Variants in NOL7 observed in about 807,000 individuals in gnomAD.
NOL7 encodes the protein U3 small nucleolar RNA-associated protein NOL7.
In NOL7, 36 loss-of-function variants were observed where a neutral mutation model predicts 38.4. The observed-to-expected ratio is 0.94, with a 90% CI of 0.72 to 1.24. The LOEUF (loss-of-function observed/expected upper bound fraction) is 1.24. Among genes scored for constraint, NOL7 ranks in the 50% most tolerant of loss-of-function variants. The pLI is 0.00. For missense variants in NOL7, 350 were observed against 315.1 expected, an observed-to-expected ratio of 1.11 and a Z score of -0.84; for synonymous variants, 142 against 126.5, an observed-to-expected ratio of 1.12 and a Z score of -0.82.
rs1161468132 is a variant in NOL7, at chr6:13,620,433, CAA to C, written c.649_650del (p.Lys217GlufsTer14). 1.2e-6 allele frequency: 2 copies of C among 1,613,948 alleles called. No individual in the cohort carries two copies. Among genetic ancestry groups the C allele is most frequent in the African/African-American group, 2.7e-5 (2 of 74,920 alleles). ...TVNKFLSLANKRLPVKRAAVQ... is the reference protein window; with the variant it reads ...TVNKFLSLANXRLPVKRAAVQ... ...TAAATAAGTTCCTGTCTCTTGCCAA[CAA>C]GAGGTTACCAGTGAAAAGAGCTGCT... On this transcript the variant is annotated frameshift_variant, in exon 7 of 8. Transcript: ENST00000451315. LOFTEE classifies it high-confidence loss of function.
downstream of NOL7, among the ~76,000 whole-genome samples, chr6:13,624,277 T>C (rs1764537461): frequency 6.6e-6 from 1 of 152,260 alleles, no homozygotes; most frequent in Admixed American, 6.5e-5. Context: ...ATGCTTTTCA[T>C]TGCTTCCTTT....
chr6:13,620,480 C>T lies in NOL7; in HGVS notation c.695C>T (p.Ala232Val). 1 of 1,613,454 alleles carries T rather than the reference C, an allele frequency of 6.2e-7. No homozygotes were observed. The highest frequency in any genetic ancestry group is 2.2e-5 in the East Asian group (1 of 44,842). ...KRAAVQFLNN[A>V]WGIQKKQNAK... ...GCTGCTGTCCAGTTTTTGAATAATGCTTGGGGTAAGATCCAGCTTTATTCT... is the reference window on the plus strand; with the variant it reads ...GCTGCTGTCCAGTTTTTGAATAATGTTTGGGGTAAGATCCAGCTTTATTCT... Residue 232 changes from alanine to valine, a missense_variant, in exon 7 of 8, where the codon GCT becomes GTT. Physicochemically the swap from Ala to Val is moderately conservative, Grantham distance 64. Coordinates refer to ENST00000451315, the MANE Select transcript of NOL7 (RefSeq NM_016167.5).
chr6:13,621,765 TAAAAC>T (rs996556051), downstream of NOL7: 6 of 152,632 alleles, frequency 3.9e-5, no homozygotes, highest in African/African-American at 1.2e-4. Context: ...AAGACCATGT[TAAAAC>T]AAAACTACTG....
At chr6:13,620,574 C>T (rs1427672440) in intron 7 of NOL7, 89 bp downstream of exon 7, 39 of 1,325,726 alleles carry the variant, frequency 2.9e-5, no homozygotes, top group Non-Finnish European at 4.1e-5. Context: ...TTATACTTTT[C>T]CCCCTTATAA....
chr6:13,627,630 CAAAAAAAAA>C (rs35401168), intron 8 of NOL7, among the ~76,000 whole-genome samples: 3 of 66,410 alleles, frequency 4.5e-5, no homozygotes, highest in Non-Finnish European at 5.8e-5. Flanking sequence ...ACTCCATCTC[CAAAAAAAAA>C]AAAAAAAAAA....
At chr6:13,623,944 T>G (rs1417270724), downstream of NOL7, among the ~76,000 whole-genome samples, 2 of 152,198 alleles carry the variant, frequency 1.3e-5, no homozygotes, top group African/African-American at 4.8e-5. Flanking sequence ...CTGGTCACTT[T>G]AAAGATTAGT....
At chr6:13,618,632 G>A (rs907365764) in intron 5 of NOL7, among the ~76,000 whole-genome samples, 17 of 152,166 alleles carry the variant, frequency 1.1e-4, no homozygotes, top group African/African-American at 4.1e-4. Flanking sequence ...GCTTACACTT[G>A]TAATCCCAGC....
downstream of NOL7, chr6:13,625,726 G>C (rs1764583642): frequency 1.2e-6 from 2 of 1,612,704 alleles, no homozygotes; most frequent in Admixed American, 1.7e-5. Flanking sequence ...CAACTGGGCT[G>C]TTCCAGGGAT....
intron 5 of NOL7, among the ~76,000 whole-genome samples, chr6:13,619,449 G>C (rs977543711): frequency 6.6e-6 from 1 of 152,118 alleles, no homozygotes; most frequent in Admixed American, 6.6e-5. Flanking sequence ...CTTGCAAATC[G>C]GTGTTTTAGC....
chr6:13,626,577 CTTA>C (rs1050964517), downstream of NOL7, among the ~76,000 whole-genome samples: 89 of 152,244 alleles, frequency 5.8e-4, no homozygotes, highest in African/African-American at 2.0e-3. Flanking sequence ...TAAATGACGT[CTTA>C]TTATTATGCC....
chr6:13,617,911 G>C, intron 4 of NOL7, 110 bp downstream of exon 4: 1 of 1,120,706 alleles, frequency 8.9e-7, no homozygotes, highest in South Asian at 1.3e-5. Context: ...GCCTGGCCAA[G>C]GTTAGCTGGG....
At chr6:13,623,243 C>T (rs2127756999), downstream of NOL7, among the ~76,000 whole-genome samples, 1 of 152,260 alleles carries the variant, frequency 6.6e-6, no homozygotes, top group South Asian at 2.1e-4. Flanking sequence ...CTGGTAATTT[C>T]TCTTTATGAG....
Position 13,615,414 on chromosome 6 carries a change from T to A in NOL7, c.56T>A (p.Val19Glu). Residue 19 changes from valine (V) to glutamate (E), a missense_variant, in exon 1 of 8, where the codon GTG becomes GAG. Physicochemically the swap from Val to Glu is moderately radical, Grantham distance 121. Transcript: ENST00000451315. ...GCCCCGGCGTCGGCGGAGGCGATGG[T>A]GGACGAGGGCCAGCTGGCCTCGGAG... The part of the protein sequence containing the change: ...SRAPASAEAM[V>E]DEGQLASEEE... The A allele has an allele frequency of 6.5e-7, 1 of 1,543,686 alleles. No individual in the cohort carries two copies. Among genetic ancestry groups the A allele is most frequent in the Non-Finnish European group, 8.7e-7 (1 of 1,144,614 alleles).
In NOL7 at chr6:13,615,363, T is replaced by G; in HGVS notation, c.5T>G (p.Val2Gly). 2.0e-6 allele frequency: 3 copies of G among 1,504,902 alleles called. No homozygotes were observed. The highest frequency in any genetic ancestry group is 2.7e-5 in the South Asian group (2 of 75,438). The allele number at this position is 1,504,902 out of a possible 1,614,324, so 93.2% of individuals were successfully genotyped here. ...CGGTCTAGCGCTGCGTGGGCCATGGTGCAGCTCCGACCGCGAGCGTCTCGC... is the reference window on the plus strand; with the variant it reads ...CGGTCTAGCGCTGCGTGGGCCATGGGGCAGCTCCGACCGCGAGCGTCTCGC... M[V>G]QLRPRASRAP... Residue 2 changes from valine to glycine, a missense_variant, in exon 1 of 8, where the codon GTG (valine) becomes GGG (glycine). Val to Gly is a moderately radical substitution (Grantham distance 109). Transcript: ENST00000451315.
rs1305797814 is a variant in NOL7, at chr6:13,615,353, T to A, written c.-6T>A. ...AGAGGTCAGACGGTCTAGCGCTGCG[T>A]GGGCCATGGTGCAGCTCCGACCGCG... On this transcript the variant is annotated 5_prime_UTR_variant, in exon 1 of 8. Transcript: ENST00000451315. 1 of 1,479,026 alleles carries A rather than the reference T, an allele frequency of 6.8e-7. No individual in the cohort carries two copies. Among genetic ancestry groups the A allele is most frequent in the Non-Finnish European group, 8.9e-7 (1 of 1,120,280 alleles). 91.6% of individuals were successfully genotyped at this position (1,479,026 alleles called of 1,614,324 possible).
Position 13,615,755 on chromosome 6 carries a change from C to A in NOL7, c.310C>A (p.Leu104Met). ...GGAGAAGAGGAAGCGACGCGAGGAG[C>A]TGTTCATCGAACAGAAGGTTAGAGG... ...LKEKRKRREE[L>M]FIEQKKRKLL... The change falls in exon 2 of 8, where the codon CTG becomes ATG. Residue 104 changes from leucine (L) to methionine (M), a missense_variant. Leu to Met is a conservative substitution (Grantham distance 15, BLOSUM62 2). Coordinates refer to ENST00000451315, the MANE Select transcript of NOL7 (RefSeq NM_016167.5). 6.2e-7 allele frequency: 1 copy of A among 1,613,622 alleles called. No individual in the cohort carries two copies. Among genetic ancestry groups the A allele is most frequent in the Non-Finnish European group, 8.5e-7 (1 of 1,179,794 alleles).
chr6:13,631,129 A>G (rs191328877), intron 8 of NOL7, among the ~76,000 whole-genome samples: 110 of 152,210 alleles, frequency 7.2e-4, no homozygotes, highest in African/African-American at 2.6e-3. Flanking sequence ...TTTAAATTAA[A>G]CTTGTTTCAA....
chr6:13,622,635 A>C, downstream of NOL7: 1 of 891,060 alleles, frequency 1.1e-6, no homozygotes, highest in South Asian at 2.7e-5. Context: ...GTTTCTAAGC[A>C]AAAGACAGAT....
Position 13,617,795 on chromosome 6 carries a change from AAAG to A in NOL7, c.416_418del (p.Glu139del). On this transcript the variant is annotated inframe_deletion, in exon 4 of 8. Transcript: ENST00000451315. Reference sequence around the variant, plus strand: ...CATCAAGAAATCGCCAGGAAAGGTGAAAGAAGGTATGACTATTCTAATTTAACT... The same window carrying A: ...CATCAAGAAATCGCCAGGAAAGGTGAAAGGTATGACTATTCTAATTTAACT... 1 of 1,613,738 alleles carries A rather than the reference AAAG, an allele frequency of 6.2e-7. No homozygotes were observed. Among genetic ancestry groups the A allele is most frequent in the Non-Finnish European group, 8.5e-7 (1 of 1,179,608 alleles).
Sources: allele counts gnomAD v4.1 joint callset (sites outside exome capture counted in the v4.1 genomes callset), GRCh38; gene constraint gnomAD v4.1.1; transcripts MANE v1.5; gene names NCBI Gene and HGNC (gene_info 2026-07-23, HGNC 2026-07-21).